The following PCDHGA2 variants were observed in gnomAD, a reference collection of about 807,000 sequenced individuals.
PCDHGA2 encodes the protein protocadherin gamma subfamily A, 2.
Under a neutral mutation model 59.2 loss-of-function variants are expected in PCDHGA2, and 40 were observed. The ratio of observed to expected loss-of-function variants is 0.68; its 90% CI spans 0.52 to 0.88. The LOEUF is 0.88. Ranked by LOEUF, PCDHGA2 falls within the 40% of genes least tolerant of loss-of-function variation. The probability of loss-of-function intolerance (pLI) is 0.00; values close to 1 mark genes in which losing one functional copy is unlikely to be tolerated. For missense variants in PCDHGA2, 1,226 were observed against 1,204.0 expected (o/e 1.02, Z -0.27); for synonymous variants, 560 against 526.0 (o/e 1.06, Z -0.89).
At chr5:141,351,044 A>T (rs1404699564) in intron 1 of PCDHGA2, 5 of 1,613,948 alleles carry the variant, frequency 3.1e-6, no homozygotes, top group Non-Finnish European at 4.2e-6. Flanking sequence ...GCTGCGGGTG[A>T]TGGCCACAGA....
At chr5:141,406,277 C>T (rs1462690693) in intron 1 of PCDHGA2, among the ~76,000 whole-genome samples, 1 of 151,986 alleles carries the variant, frequency 6.6e-6, no homozygotes, top group Non-Finnish European at 1.5e-5. Flanking sequence ...GCTTCAGTTT[C>T]CCAAAGCACT....
chr5:141,415,435 C>G, intron 1 of PCDHGA2: 1 of 1,614,202 alleles, frequency 6.2e-7, no homozygotes. Flanking sequence ...TCGGGCTTTC[C>G]TGCAGACCTA....
intron 1 of PCDHGA2, chr5:141,389,305 C>T: frequency 6.2e-7 from 1 of 1,614,004 alleles, no homozygotes; most frequent in Non-Finnish European, 8.5e-7. Flanking sequence ...CAAGTCAGGG[C>T]TTCTGATCCG....
At chr5:141,381,782 A>G (rs940671211) in intron 1 of PCDHGA2, among the ~76,000 whole-genome samples, 1 of 150,898 alleles carries the variant, frequency 6.6e-6, no homozygotes, top group African/African-American at 2.5e-5. Context: ...AATCAGGAAC[A>G]AGGCAAGGCA....
chr5:141,454,880 T>C (rs1561957456), intron 1 of PCDHGA2, among the ~76,000 whole-genome samples: 1 of 137,862 alleles, frequency 7.3e-6, no homozygotes, highest in Non-Finnish European at 1.5e-5. Flanking sequence ...CGATCTTGGC[T>C]CACTGCTAGC....
rs1768012358 is a variant in PCDHGA2 at position 141,371,760 on chromosome 5, T to G, written c.2424+30365T>G. ...CAACGTTCCCGTTTTCCACCAGGCC[T>G]CCTACACCGTGCATGTAGCTGAGAA... On this transcript the variant is annotated intron_variant, in intron 1 of 3. Coordinates refer to ENST00000394576, the MANE Select transcript of PCDHGA2 (RefSeq NM_018915.4). 3 of 1,613,860 alleles carry G rather than the reference T, an allele frequency of 1.9e-6. No individual in the cohort carries two copies. The South Asian group carries it at 3.3e-5, about 18-fold the overall frequency.
intron 1 of PCDHGA2, chr5:141,409,185 C>G (rs765063807): frequency 6.2e-7 from 1 of 1,614,024 alleles, no homozygotes; most frequent in South Asian, 1.1e-5. Flanking sequence ...GGTGGTCTCT[C>G]TACCCAGTGT....
chr5:141,390,003 C>A, intron 1 of PCDHGA2: 1 of 1,614,056 alleles, frequency 6.2e-7, no homozygotes, highest in Non-Finnish European at 8.5e-7. Flanking sequence ...GGCCATGATT[C>A]TGGCCATTGC....
intron 1 of PCDHGA2, chr5:141,430,541 C>T: frequency 2.5e-6 from 1 of 392,344 alleles, no homozygotes; most frequent in Non-Finnish European, 4.5e-6. Flanking sequence ...ACTCTGAGCG[C>T]CGCTGTTCAC....
chr5:141,344,955 G>C (rs1757496781), intron 1 of PCDHGA2: 4 of 1,613,700 alleles, frequency 2.5e-6, no homozygotes, highest in Admixed American at 1.7e-5. Flanking sequence ...AAAAAGTCTA[G>C]ATTATGAGGA....
chr5:141,405,746 G>A (rs1174743960), intron 1 of PCDHGA2, among the ~76,000 whole-genome samples: 1 of 152,108 alleles, frequency 6.6e-6, no homozygotes, highest in Non-Finnish European at 1.5e-5. Context: ...CCAAAGCACT[G>A]GGATTACAGG....
At chr5:141,394,662 T>C in intron 1 of PCDHGA2, 3 of 1,613,258 alleles carry the variant, frequency 1.9e-6, no homozygotes, top group African/African-American at 2.7e-5. Flanking sequence ...GCCGGGACTC[T>C]TCTCGGTGGG....
At chr5:141,414,151 G>T in intron 1 of PCDHGA2, 2 of 1,600,336 alleles carry the variant, frequency 1.2e-6, no homozygotes, top group East Asian at 2.3e-5. Flanking sequence ...AATACAAGCA[G>T]AAGATGGAGG....
Position 141,351,165 on chromosome 5 carries a change from C to T in PCDHGA2, c.2424+9770C>T, listed in dbSNP as rs1236569815. ...ACTGGCGACATCACAACCAATGGCA[C>T]ATTGGATTTTGAAGAGACAAGTAGA... On this transcript the variant is annotated intron_variant, in intron 1 of 3. Coordinates refer to ENST00000394576, the MANE Select transcript of PCDHGA2 (RefSeq NM_018915.4). 3 of 1,613,988 alleles carry T rather than the reference C, an allele frequency of 1.9e-6. No individual in the cohort carries two copies. In the South Asian group the frequency reaches 3.3e-5, roughly 18 times the overall value.
Position 141,487,682 on chromosome 5 carries a change from G to A in PCDHGA2, c.2425-7125G>A, listed in dbSNP as rs757434520. On this transcript the variant is annotated intron_variant, in intron 1 of 3. Transcript: ENST00000394576. This position sits in a 1 kb window ranked among gnomAD's most constrained non-coding sequence, Gnocchi z 5.0. ...TGATCCAGGCATATGGCTAGGCCATGTCCTAGAGAGTACTGGCCTCTCAGT... is the reference window on the plus strand; with the variant it reads ...TGATCCAGGCATATGGCTAGGCCATATCCTAGAGAGTACTGGCCTCTCAGT... The A allele has an allele frequency of 1.2e-6, 2 of 1,607,256 alleles. No individual in the cohort carries two copies. Among genetic ancestry groups the A allele is most frequent in the East Asian group, 4.5e-5 (2 of 44,762 alleles).
At chr5:141,360,319 C>A (rs1761531908) in intron 1 of PCDHGA2, 2 of 1,613,782 alleles carry the variant, frequency 1.2e-6, no homozygotes, top group African/African-American at 2.7e-5. Flanking sequence ...CCGGGACTTG[C>A]CAGCCCGGAA....
chr5:141,510,420 G>T (rs1275392355), intron 3 of PCDHGA2, among the ~76,000 whole-genome samples: 3 of 152,126 alleles, frequency 2.0e-5, no homozygotes, highest in African/African-American at 7.2e-5. Flanking sequence ...TAAAGCCATG[G>T]TTTCATGGCT....
intron 1 of PCDHGA2, chr5:141,422,945 C>T (rs13188215): frequency 6.2e-7 from 1 of 1,614,134 alleles, no homozygotes; most frequent in Non-Finnish European, 8.5e-7. Context: ...ACAGACGGCT[C>T]CACTGGCGTG....
intron 1 of PCDHGA2, chr5:141,349,960 AG>A (rs1163363657): frequency 7.9e-6 from 2 of 254,118 alleles, no homozygotes; most frequent in Non-Finnish European, 1.5e-5. Context: ...AATTAAAGAC[AG>A]GGTACATAGA....
Sources: gnomAD v4.1 joint callset for allele counts (sites outside exome capture counted in the v4.1 genomes callset) on GRCh38, gnomAD v4.1.1 for gene constraint, Gnocchi (gnomAD v3.1) non-coding constraint, MANE v1.5 for transcripts, NCBI Gene and HGNC (gene_info 2026-07-23, HGNC 2026-07-21) for gene names.